ATXN7: variants seen among roughly 807,000 people sequenced by gnomAD.
ATXN7 encodes ataxin-7.
ATXN7 carries 12 observed loss-of-function variants against 70.5 expected under a neutral mutation model. The ratio of observed to expected loss-of-function variants is 0.17; its 90% CI spans 0.11 to 0.28. ATXN7 has a LOEUF of 0.28. ATXN7 is among the 10% of genes least tolerant of loss of function. ATXN7 has a pLI of 1.00. For missense variants in ATXN7, 1,256 were observed against 1,131.7 expected (o/e 1.11, Z -1.58); for synonymous variants, 498 against 448.7 (o/e 1.11, Z -1.39).
intron 4 of ATXN7, among the ~76,000 whole-genome samples, chr3:63,949,245 A>G (rs1233134948): frequency 1.3e-5 from 2 of 151,494 alleles, no homozygotes; most frequent in Non-Finnish European, 2.9e-5. Flanking sequence ...CAGAAAAAGA[A>G]TATAGAATTC....
At chr3:63,950,425 CTG>C (rs902255089) in intron 4 of ATXN7, among the ~76,000 whole-genome samples, 1 of 152,126 alleles carries the variant, frequency 6.6e-6, no homozygotes, top group Non-Finnish European at 1.5e-5. Context: ...TAAACTAACA[CTG>C]TTTATTTAAT....
At position 64,002,421 on chromosome 3, in the gene ATXN7, TCC is replaced by T. The variant is rs1037275180; in HGVS notation, c.*2956_*2957del. ...ATTGCTTCTTCCTGGTTGCCTGGTT[TCC>T]CGATAGACTACATGTAACTAAGTGA... On this transcript the variant is annotated 3_prime_UTR_variant, in exon 13 of 13. Coordinates refer to ENST00000674280, the MANE Select transcript of ATXN7 (RefSeq NM_001377405.1). 3 of 152,558 alleles carry T rather than the reference TCC, an allele frequency of 2.0e-5. No individual in the cohort carries two copies. Among genetic ancestry groups the T allele is most frequent in the African/African-American group, 7.2e-5 (3 of 41,428 alleles). 9.5% of individuals were successfully genotyped at this position (152,558 alleles called of 1,614,324 possible). A position where few individuals can be genotyped will look rare whatever the true frequency, so the allele number is the denominator to read the frequency against.
rs931488492 is a variant in ATXN7 at position 63,990,506 on chromosome 3, CAG to C, written c.1560+133_1560+134del. 1.7e-5 allele frequency: 21 copies of C among 1,248,990 alleles called. No individual in the cohort carries two copies. In the African/African-American group the frequency reaches 1.8e-4, roughly 11 times the overall value. 77.4% of individuals were successfully genotyped at this position (1,248,990 alleles called of 1,614,324 possible). On this transcript the variant is annotated intron_variant, in intron 10 of 12. Transcript: ENST00000674280. ...GTCAAGGTGTGAGAGAAGTTCAAAA[CAG>C]GGTGCCCCAGAGGCAGCACACACTC...
intron 5 of ATXN7, among the ~76,000 whole-genome samples, chr3:63,961,754 A>G (rs921007187): frequency 7.2e-5 from 11 of 152,054 alleles, no homozygotes; most frequent in African/African-American, 2.7e-4. Flanking sequence ...ATTATTTAAT[A>G]TATATATGAA....
intron 4 of ATXN7, among the ~76,000 whole-genome samples, chr3:63,923,751 G>A (rs1383488636): frequency 2.6e-5 from 4 of 151,974 alleles, no homozygotes; most frequent in Non-Finnish European, 4.4e-5. Context: ...CTGTGATTGC[G>A]CATACTGGAC....
chr3:63,864,405 C>A (rs545785384), intron 1 of ATXN7: 1 of 152,080 alleles, frequency 6.6e-6, no homozygotes, highest in Non-Finnish European at 1.5e-5. Context: ...TGGGGGTCCC[C>A]GCGAAGTTGG....
chr3:63,913,274 C>T (rs779112910), intron 4 of ATXN7, 49 bp downstream of exon 4: 56 of 1,559,264 alleles, frequency 3.6e-5, no homozygotes, highest in Non-Finnish European at 4.7e-5. Context: ...TGGGAAGTTT[C>T]ATTGACAGTT....
At chr3:63,952,723 T>C (rs1196300177) in intron 5 of ATXN7, among the ~76,000 whole-genome samples, 1 of 152,004 alleles carries the variant, frequency 6.6e-6, no homozygotes, top group Non-Finnish European at 1.5e-5. Context: ...TTATAAAATG[T>C]CTCTTAAAAT....
chr3:63,980,194 A>G, intron 6 of ATXN7, 27 bp downstream of exon 6: 1 of 1,613,016 alleles, frequency 6.2e-7, no homozygotes, highest in Non-Finnish European at 8.5e-7. Context: ...GGGTTTTTAA[A>G]GCTTACCTGC....
intron 1 of ATXN7, among the ~76,000 whole-genome samples, chr3:63,866,684 G>A (rs1702440526): frequency 6.6e-6 from 1 of 152,142 alleles, no homozygotes; most frequent in African/African-American, 2.4e-5. Flanking sequence ...GAACATTTAA[G>A]AATTGTCTTT....
chr3:63,963,737 G>C (rs535117695), intron 5 of ATXN7, among the ~76,000 whole-genome samples: 1 of 152,262 alleles, frequency 6.6e-6, no homozygotes, highest in South Asian at 2.1e-4. Flanking sequence ...CTGTGCTGTA[G>C]CTTCCTCTGC....
Position 63,965,962 on chromosome 3 carries a change from T to G in ATXN7, c.499+13479T>G, listed in dbSNP as rs576535878. ...AAAATTCGTTTTTCTCTTGTTTATT[T>G]GTGAACTTAAATATAGACGTTTGTT... On this transcript the variant is annotated intron_variant, in intron 5 of 12. Transcript: ENST00000674280. Among the ~76,000 whole-genome samples, 6 of 152,356 alleles carry G rather than the reference T, an allele frequency of 3.9e-5. No individual in the cohort carries two copies. In the East Asian group the frequency reaches 1.2e-3, roughly 29 times the overall value.
chr3:63,985,946 A>G (rs2075572322), intron 8 of ATXN7, among the ~76,000 whole-genome samples: 1 of 152,240 alleles, frequency 6.6e-6, no homozygotes, highest in South Asian at 2.1e-4. Context: ...AATCACCAAA[A>G]TAACTGTAAA....
At chr3:63,946,368 G>A (rs924481516) in intron 4 of ATXN7, among the ~76,000 whole-genome samples, 3 of 152,100 alleles carry the variant, frequency 2.0e-5, no homozygotes, top group Non-Finnish European at 4.4e-5. Flanking sequence ...GGCCAGGCGC[G>A]GTGGCTCACG....
At chr3:63,973,254 A>C (rs115695018) in intron 5 of ATXN7, among the ~76,000 whole-genome samples, 1 of 152,234 alleles carries the variant, frequency 6.6e-6, no homozygotes, top group Non-Finnish European at 1.5e-5. Flanking sequence ...CTGATTACTC[A>C]ACCCATACAT....
At chr3:63,899,061 C>CT (rs34396635) in intron 2 of ATXN7, among the ~76,000 whole-genome samples, 116,397 of 147,482 alleles carry the variant, frequency 0.79, 46,866 homozygotes, top group South Asian at 0.89. Flanking sequence ...AATGGAGTGT[C>CT]TTTTTTTTTT....
At chr3:63,946,387 C>T (rs560453562) in intron 4 of ATXN7, among the ~76,000 whole-genome samples, 4 of 152,204 alleles carry the variant, frequency 2.6e-5, no homozygotes, top group Admixed American at 1.3e-4. Context: ...CGCCTATAAT[C>T]CCAGCACTTT....
At chr3:63,957,103 C>G in intron 5 of ATXN7, among the ~76,000 whole-genome samples, 1 of 152,200 alleles carries the variant, frequency 6.6e-6, no homozygotes. Context: ...AGGCTGTATA[C>G]TGAGAGCTTC....
In ATXN7 at chr3:63,988,251, C is replaced by G; in HGVS notation, c.1288C>G (p.His430Asp). 6.2e-7 allele frequency: 1 copy of G among 1,614,140 alleles called. No homozygotes were observed. Among genetic ancestry groups the G allele is most frequent in the Middle Eastern group, 1.6e-4 (1 of 6,062 alleles). Residue 430 changes from histidine to aspartate, a missense_variant, in exon 9 of 13, where the codon CAC (histidine) becomes GAC (aspartate). By Grantham distance (81) the His-to-Asp change is moderately conservative (BLOSUM62 -1). Transcript: ENST00000674280. ...GTCACAGGAGCCGCACCAAAACCCTCACGGAGTGATTCCTTCCGAATCAAA... is the reference window on the plus strand; with the variant it reads ...GTCACAGGAGCCGCACCAAAACCCTGACGGAGTGATTCCTTCCGAATCAAA... The part of the protein sequence containing the change: ...RTSQEPHQNP[H>D]GVIPSESKPF...
Sources: allele counts gnomAD v4.1 joint callset (sites outside exome capture counted in the v4.1 genomes callset), GRCh38; gene constraint gnomAD v4.1.1; transcripts MANE v1.5; gene names NCBI Gene and HGNC (gene_info 2026-07-23, HGNC 2026-07-21).